Variants in NTM observed in about 807,000 individuals in gnomAD.
NTM encodes the protein neurotrimin.
In NTM, 13 loss-of-function variants were observed where a neutral mutation model predicts 42.1. That is an observed-to-expected ratio of 0.31 (90% CI 0.20 to 0.49). The LOEUF (loss-of-function observed/expected upper bound fraction) is 0.49. Among genes scored for constraint, NTM ranks in the 20% least tolerant of loss-of-function variants. The pLI, the probability that NTM is intolerant of heterozygous loss-of-function variation, is 0.99. For synonymous variants in NTM, 187 were observed against 179.2 expected (o/e 1.04, Z -0.35); for missense variants, 373 against 452.8 (o/e 0.82, Z 1.60).
At chr11:131,696,077 G>A (rs1438753562) in intron 1 of NTM, among the ~76,000 whole-genome samples, 1 of 152,218 alleles carries the variant, frequency 6.6e-6, no homozygotes, top group Non-Finnish European at 1.5e-5. Flanking sequence ...TGACAGACAT[G>A]AAAGAACCCA....
At chr11:131,617,970 C>A (rs1477273844) in intron 1 of NTM, among the ~76,000 whole-genome samples, 1 of 152,124 alleles carries the variant, frequency 6.6e-6, no homozygotes, top group African/African-American at 2.4e-5. Flanking sequence ...AGCCTCTGGG[C>A]CAGCGCCGGG....
chr11:131,697,828 G>A (rs1340268260), intron 1 of NTM, among the ~76,000 whole-genome samples: 1 of 152,170 alleles, frequency 6.6e-6, no homozygotes, highest in Non-Finnish European at 1.5e-5. Flanking sequence ...TTTTCCTCAT[G>A]ATCAGTTGTT....
chr11:131,706,143 A>T (rs2076567299), intron 1 of NTM, among the ~76,000 whole-genome samples: 1 of 152,088 alleles, frequency 6.6e-6, no homozygotes, highest in South Asian at 2.1e-4. Context: ...ATAGAAGAAG[A>T]TAATACATGC....
intron 1 of NTM, among the ~76,000 whole-genome samples, chr11:131,650,313 G>A (rs1199059912): frequency 1.3e-5 from 2 of 152,204 alleles, no homozygotes; most frequent in Non-Finnish European, 2.9e-5. Context: ...CTAGTCAAGA[G>A]GTGTGGACTT....
intron 1 of NTM, among the ~76,000 whole-genome samples, chr11:131,581,719 G>T (rs910655441): frequency 2.0e-5 from 3 of 152,144 alleles, no homozygotes; most frequent in Non-Finnish European, 4.4e-5. Context: ...GTTTTGGTCT[G>T]TTCTGCCTGG....
chr11:132,277,933 A>T (rs2093795909), intron 4 of NTM, among the ~76,000 whole-genome samples: 1 of 152,202 alleles, frequency 6.6e-6, no homozygotes, highest in African/African-American at 2.4e-5. Context: ...TTGAAAGCAT[A>T]TTTGCCAATT....
chr11:131,391,781 A>T (rs971259774), intron 1 of NTM, among the ~76,000 whole-genome samples: 20 of 152,238 alleles, frequency 1.3e-4, no homozygotes, highest in African/African-American at 4.3e-4. Context: ...ACATAAAGTT[A>T]GTTACCTAGT....
chr11:131,388,786 C>T (rs976931478), intron 1 of NTM, among the ~76,000 whole-genome samples: 12 of 151,122 alleles, frequency 7.9e-5, no homozygotes, highest in African/African-American at 1.7e-4. Flanking sequence ...TCGAGGCGGG[C>T]GAATCACTTG....
At chr11:131,465,910 T>C (rs1383566356) in intron 1 of NTM, among the ~76,000 whole-genome samples, 1 of 151,594 alleles carries the variant, frequency 6.6e-6, no homozygotes, top group African/African-American at 2.4e-5. Flanking sequence ...CAGGGTAACC[T>C]GATACTTGCT....
At chr11:132,059,394 G>A (rs910794712) in intron 2 of NTM, among the ~76,000 whole-genome samples, 3 of 152,228 alleles carry the variant, frequency 2.0e-5, no homozygotes, top group African/African-American at 7.2e-5. Flanking sequence ...AAGTAACAGT[G>A]CTTCAGGTGT....
intron 1 of NTM, among the ~76,000 whole-genome samples, chr11:131,373,128 C>A (rs1279770320): frequency 2.0e-5 from 3 of 152,176 alleles, no homozygotes; most frequent in Non-Finnish European, 2.9e-5. Context: ...ATATTGCATG[C>A]CAGTCAGATG....
At chr11:131,722,378 G>T (rs1279436583) in intron 1 of NTM, among the ~76,000 whole-genome samples, 1 of 152,146 alleles carries the variant, frequency 6.6e-6, no homozygotes, top group East Asian at 1.9e-4. Context: ...GTTGCCTGAC[G>T]GCCAAAAGGC....
intron 1 of NTM, among the ~76,000 whole-genome samples, chr11:131,498,501 C>G (rs972096994): frequency 6.6e-6 from 1 of 152,136 alleles, no homozygotes; most frequent in Non-Finnish European, 1.5e-5. Flanking sequence ...TCTACTCTTG[C>G]CTATGACCTT....
chr11:132,302,710 C>G (rs549711952), intron 4 of NTM, among the ~76,000 whole-genome samples: 1 of 152,104 alleles, frequency 6.6e-6, no homozygotes. Flanking sequence ...AAAAGAAGCC[C>G]CCTGTGTGCA....
At chr11:131,708,368 T>C (rs899032343) in intron 1 of NTM, among the ~76,000 whole-genome samples, 8 of 152,160 alleles carry the variant, frequency 5.3e-5, no homozygotes, top group African/African-American at 1.9e-4. Flanking sequence ...GATGGGCCTC[T>C]GTTTGTCTCA....
At chr11:131,680,321 T>C (rs1355645745) in intron 1 of NTM, among the ~76,000 whole-genome samples, 1 of 151,142 alleles carries the variant, frequency 6.6e-6, no homozygotes. Context: ...TTCTGTGGAT[T>C]TGAGCACATC....
In NTM at chr11:131,964,863, G is replaced by A. The variant is rs948899158; in HGVS notation, c.167+53215G>A. On this transcript the variant is annotated intron_variant, in intron 2 of 8. Transcript: ENST00000683400. ...ATAATTGATGCCCCTCATACTAAAGGAGAGTTTAGGTTTTGTGGTTCAGCA... is the reference window on the plus strand; with the variant it reads ...ATAATTGATGCCCCTCATACTAAAGAAGAGTTTAGGTTTTGTGGTTCAGCA... Among the ~76,000 whole-genome samples the A allele has an allele frequency of 4.6e-5, 7 of 152,144 alleles. No individual in the cohort carries two copies. In the East Asian group the frequency reaches 1.2e-3, roughly 25 times the overall value.
intron 1 of NTM, among the ~76,000 whole-genome samples, chr11:131,498,936 C>T (rs1565566996): frequency 6.6e-6 from 1 of 152,192 alleles, no homozygotes; most frequent in Non-Finnish European, 1.5e-5. Flanking sequence ...GAGATGTGAC[C>T]TATGCACCCT....
chr11:132,180,528 A>C (rs1307789546), intron 3 of NTM, among the ~76,000 whole-genome samples: 3 of 152,192 alleles, frequency 2.0e-5, no homozygotes, highest in Non-Finnish European at 1.5e-5. Flanking sequence ...GTCTTCCCTC[A>C]AGTCTAGAAC....
Sources: gnomAD v4.1 joint callset for allele counts (sites outside exome capture counted in the v4.1 genomes callset) on GRCh38, gnomAD v4.1.1 for gene constraint, MANE v1.5 for transcripts, NCBI Gene and HGNC (gene_info 2026-07-23, HGNC 2026-07-21) for gene names.